The following PDZRN3 variants were observed in gnomAD, a reference collection of about 807,000 sequenced individuals.
The protein encoded by PDZRN3 is E3 ubiquitin-protein ligase PDZRN3.
Under a neutral mutation model 85.7 loss-of-function variants are expected in PDZRN3, and 38 were observed. The observed-to-expected ratio is 0.44, with a 90% CI of 0.34 to 0.58. The LOEUF (loss-of-function observed/expected upper bound fraction) is 0.58. Among genes scored for constraint, PDZRN3 ranks in the 20% least tolerant of loss-of-function variants. The pLI, the probability that PDZRN3 is intolerant of heterozygous loss-of-function variation, is 0.01. For missense variants in PDZRN3, 1,629 were observed against 1,506.4 expected (o/e 1.08, Z -1.35); for synonymous variants, 759 against 638.0 (o/e 1.19, Z -2.86).
At chr3:73,542,703 G>A (rs1183246876) in intron 3 of PDZRN3, among the ~76,000 whole-genome samples, 1 of 152,028 alleles carries the variant, frequency 6.6e-6, no homozygotes, top group Non-Finnish European at 1.5e-5. Flanking sequence ...GAACCCGGGA[G>A]GTGGAGGTTG....
chr3:73,493,437 T>G (rs1489267016), intron 3 of PDZRN3, among the ~76,000 whole-genome samples: 1 of 152,114 alleles, frequency 6.6e-6, no homozygotes, highest in African/African-American at 2.4e-5. Context: ...ATTCCAAACC[T>G]GGGTGACTGA....
At chr3:73,443,846 A>G (rs1337255490) in intron 3 of PDZRN3, among the ~76,000 whole-genome samples, 1 of 152,106 alleles carries the variant, frequency 6.6e-6, no homozygotes, top group Non-Finnish European at 1.5e-5. Context: ...TACTTTTGAA[A>G]TAAAATCTAA....
chr3:73,618,691 T>C (rs1313579836), intron 1 of PDZRN3, among the ~76,000 whole-genome samples: 1 of 152,248 alleles, frequency 6.6e-6, no homozygotes, highest in African/African-American at 2.4e-5. Flanking sequence ...GCAAGCACCA[T>C]TTCTGAACAC....
Position 73,424,234 on chromosome 3 carries a change from T to C in PDZRN3, c.919-19839A>G, listed in dbSNP as rs75504267. On this transcript the variant is annotated intron_variant, in intron 3 of 9. Transcript: ENST00000263666. The stretch of plus-strand genomic sequence containing the variant: ...AAGAGATTTGGTTCATTAGAAAACA[T>C]GATAAAGAATATGCAGGCCAGGCAT... 9.0e-3 allele frequency among the ~76,000 whole-genome samples: 1,359 copies of C among 151,840 alleles called. 79 individuals are homozygous for C. In the East Asian group the frequency reaches 0.16, roughly 18 times the overall value.
At position 73,563,007 on chromosome 3, in the gene PDZRN3, ATATATATTTT is replaced by A. The variant is rs1203890272; in HGVS notation, c.918+39337_918+39346del. On this transcript the variant is annotated intron_variant, in intron 3 of 9. Coordinates refer to ENST00000263666, the MANE Select transcript of PDZRN3 (RefSeq NM_015009.3). ...ATTATATATATATATATATATATAT[ATATATATTTT>A]TTTTTTTTTTTTTTTTTTTGAGACA... Among the ~76,000 whole-genome samples the A allele has an allele frequency of 4.4e-4, 20 of 45,888 alleles. No individual in the cohort carries two copies. The East Asian group carries it at 0.012, about 27-fold the overall frequency. 30.1% of individuals were successfully genotyped at this position (45,888 alleles called of 152,430 possible). A position where few individuals can be genotyped will look rare whatever the true frequency, so the allele number is the denominator to read the frequency against.
At chr3:73,622,112 G>A (rs370671533) in intron 1 of PDZRN3, among the ~76,000 whole-genome samples, 7 of 152,202 alleles carry the variant, frequency 4.6e-5, no homozygotes, top group African/African-American at 9.6e-5. Flanking sequence ...TAAATCTGGC[G>A]CCTGATTGAA....
chr3:73,387,259 T>C (rs1701416159), intron 8 of PDZRN3, among the ~76,000 whole-genome samples: 2 of 152,042 alleles, frequency 1.3e-5, no homozygotes, highest in Admixed American at 1.3e-4. Flanking sequence ...CCTAAAGAGA[T>C]CTACTACTGG....
chr3:73,600,050 T>C (rs1316462560), intron 3 of PDZRN3, among the ~76,000 whole-genome samples: 2 of 152,090 alleles, frequency 1.3e-5, no homozygotes, highest in African/African-American at 4.8e-5. Context: ...ATATTTCTTA[T>C]AAAAAAACAG....
At position 73,524,377 on chromosome 3, in the gene PDZRN3, T is replaced by TGTG. The variant is rs563296766; in HGVS notation, c.918+77976_918+77977insCAC. On this transcript the variant is annotated intron_variant, in intron 3 of 9. Coordinates refer to ENST00000263666, the MANE Select transcript of PDZRN3 (RefSeq NM_015009.3). The stretch of plus-strand genomic sequence containing the variant: ...CACAGTGATGCATATTACCACCAGC[T>TGTG]ATCAAGGCAATCACAGGGAGATTTC... Among the ~76,000 whole-genome samples, 8 of 152,338 alleles carry TGTG rather than the reference T, an allele frequency of 5.3e-5. No individual in the cohort carries two copies. The East Asian group carries it at 1.3e-3, about 26-fold the overall frequency.
intron 3 of PDZRN3, among the ~76,000 whole-genome samples, chr3:73,578,761 C>A (rs891607787): frequency 3.3e-5 from 5 of 152,040 alleles, no homozygotes; most frequent in Non-Finnish European, 5.9e-5. Flanking sequence ...CAATGAGGAA[C>A]CTGCCCCCCT....
At chr3:73,488,484 T>C (rs1206928910) in intron 3 of PDZRN3, among the ~76,000 whole-genome samples, 1 of 152,138 alleles carries the variant, frequency 6.6e-6, no homozygotes, top group African/African-American at 2.4e-5. Context: ...GGAACAATCT[T>C]CCCAGCTCTT....
rs561345963 is a variant in PDZRN3 at position 73,476,549 on chromosome 3, C to T, written c.919-72154G>A. On this transcript the variant is annotated intron_variant, in intron 3 of 9. Coordinates refer to ENST00000263666, the MANE Select transcript of PDZRN3 (RefSeq NM_015009.3). ...CCATATCAGGTAGTATGTTCCCACA[C>T]TGTCCCAAGGTTGTTGTGTGTGACC... Among the ~76,000 whole-genome samples, 5 of 152,310 alleles carry T rather than the reference C, an allele frequency of 3.3e-5. No homozygotes were observed. In the South Asian group the frequency reaches 8.3e-4, roughly 25 times the overall value.
At chr3:73,450,886 C>T (rs777153609) in intron 3 of PDZRN3, among the ~76,000 whole-genome samples, 44 of 151,930 alleles carry the variant, frequency 2.9e-4, no homozygotes, top group Non-Finnish European at 6.2e-4. Flanking sequence ...AGTTCTTCCG[C>T]TGATAATTAT....
intron 3 of PDZRN3, among the ~76,000 whole-genome samples, chr3:73,526,758 A>C (rs1251866211): frequency 6.6e-6 from 1 of 151,854 alleles, no homozygotes; most frequent in African/African-American, 2.4e-5. Context: ...GGTGATCTCG[A>C]CTCACTGCAA....
chr3:73,508,557 C>T (rs1704109090), intron 3 of PDZRN3, among the ~76,000 whole-genome samples: 1 of 152,110 alleles, frequency 6.6e-6, no homozygotes, highest in African/African-American at 2.4e-5. Flanking sequence ...CTTAAGGGAC[C>T]ACTAGGGGGC....
intron 3 of PDZRN3, among the ~76,000 whole-genome samples, chr3:73,571,337 G>A (rs753256011): frequency 2.0e-5 from 3 of 152,020 alleles, no homozygotes; most frequent in African/African-American, 4.8e-5. Flanking sequence ...ACCATAAATC[G>A]TGCCTTTGTG....
chr3:73,384,577 G>A lies in PDZRN3; in HGVS notation c.1989C>T (p.Gly663=), dbSNP rs1701313969. The A allele has an allele frequency of 6.2e-7, 1 of 1,613,614 alleles. No homozygotes were observed. The highest frequency in any genetic ancestry group is 1.3e-5 in the African/African-American group (1 of 74,946). ...CCAGGGGGCCGCTAGGGTAGTACAG[G>A]CCGTAAGGGGTGGCGCTCTTCACCT... is the stretch of plus-strand genomic sequence containing the variant. ...KCQVKSATPY[G]LYYPSGPLDA... The change falls in exon 10 of 10, where the codon GGC becomes GGT. Residue 663 remains glycine, a synonymous_variant. Transcript: ENST00000263666.
chr3:73,470,373 G>T (rs886217759), intron 3 of PDZRN3, among the ~76,000 whole-genome samples: 1 of 152,176 alleles, frequency 6.6e-6, no homozygotes, highest in Non-Finnish European at 1.5e-5. Flanking sequence ...TGGGCTGCTT[G>T]AAGAACTAAC....
chr3:73,464,624 G>A (rs565359557), intron 3 of PDZRN3, among the ~76,000 whole-genome samples: 5 of 151,928 alleles, frequency 3.3e-5, no homozygotes, highest in East Asian at 1.9e-4. Flanking sequence ...CCAGTACAAC[G>A]TTGAATCATT....
Sources: gnomAD v4.1 joint callset for allele counts (sites outside exome capture counted in the v4.1 genomes callset) on GRCh38, gnomAD v4.1.1 for gene constraint, MANE v1.5 for transcripts, NCBI Gene and HGNC (gene_info 2026-07-23, HGNC 2026-07-21) for gene names.